RAPGEF5: variants seen among roughly 807,000 people sequenced by gnomAD.
The protein encoded by RAPGEF5 is Rap guanine nucleotide exchange factor 5.
A neutral mutation model predicts 125.2 loss-of-function variants in RAPGEF5; 65 were observed. That is an observed-to-expected ratio of 0.52 (90% CI 0.43 to 0.64). RAPGEF5 has a LOEUF of 0.64. Ranked by LOEUF, RAPGEF5 falls within the 30% of genes least tolerant of loss-of-function variation. The probability of loss-of-function intolerance (pLI) is 0.00; values close to 1 mark genes in which losing one functional copy is unlikely to be tolerated. For missense variants in RAPGEF5, 958 were observed against 1,048.1 expected (o/e 0.91, Z 1.19); for synonymous variants, 391 against 385.9 (o/e 1.01, Z -0.16).
intron 2 of RAPGEF5, among the ~76,000 whole-genome samples, chr7:22,316,460 C>CAT (rs757768702): frequency 9.0e-4 from 83 of 92,714 alleles, no homozygotes; most frequent in East Asian, 1.6e-3. Flanking sequence ...TATACATAGA[C>CAT]ATATATATAT....
rs578214251 is a variant in RAPGEF5, at chr7:22,176,846, G to A, written c.1205-9698C>T. ...GCGCCTGGCCAATTGAGGTTCTTTCGAAATAATCTGGCACAGGATCTTACA... is the reference window on the plus strand; with the variant it reads ...GCGCCTGGCCAATTGAGGTTCTTTCAAAATAATCTGGCACAGGATCTTACA... On this transcript the variant is annotated intron_variant, in intron 11 of 25. Transcript: ENST00000665637. Among the ~76,000 whole-genome samples, 23 of 152,192 alleles carry A rather than the reference G, an allele frequency of 1.5e-4. 2 individuals carry two copies. Among genetic ancestry groups the A allele is most frequent in the South Asian group, 8.3e-4 (4 of 4,818 alleles).
chr7:22,351,227 A>T (rs1330836771), intron 1 of RAPGEF5, among the ~76,000 whole-genome samples: 3 of 152,080 alleles, frequency 2.0e-5, no homozygotes, highest in African/African-American at 7.2e-5. Flanking sequence ...ATTTAAGTAA[A>T]CATTAGTTAC....
intron 11 of RAPGEF5, among the ~76,000 whole-genome samples, chr7:22,184,005 T>A (rs1784754535): frequency 6.6e-6 from 1 of 152,220 alleles, no homozygotes; most frequent in Admixed American, 6.5e-5. Flanking sequence ...TAGAACCCTA[T>A]AATACTTTGG....
chr7:22,242,802 C>A (rs544041398), intron 7 of RAPGEF5, among the ~76,000 whole-genome samples: 1 of 151,942 alleles, frequency 6.6e-6, no homozygotes, highest in Admixed American at 6.6e-5. Flanking sequence ...AACTACAAAA[C>A]TGGCCGGGCA....
chr7:22,203,966 C>T (rs1785339980), intron 9 of RAPGEF5, among the ~76,000 whole-genome samples: 1 of 152,196 alleles, frequency 6.6e-6, no homozygotes, highest in South Asian at 2.1e-4. Context: ...TAACCCGAAT[C>T]ACTGCTTTTC....
chr7:22,342,805 G>A (rs546444295), intron 1 of RAPGEF5, among the ~76,000 whole-genome samples: 2 of 152,256 alleles, frequency 1.3e-5, no homozygotes, highest in South Asian at 4.2e-4. Flanking sequence ...CCTAAGCCTG[G>A]ACTTTATTGT....
intron 11 of RAPGEF5, among the ~76,000 whole-genome samples, chr7:22,168,877 A>G (rs559796805): frequency 1.3e-5 from 2 of 152,366 alleles, no homozygotes; most frequent in East Asian, 3.9e-4. Flanking sequence ...CAAGGGTGTT[A>G]ATGAAGAGTA....
Position 22,202,407 on chromosome 7 carries a change from G to A in RAPGEF5, c.997-8374C>T, listed in dbSNP as rs567156596. Among the ~76,000 whole-genome samples, 15 of 152,230 alleles carry A rather than the reference G, an allele frequency of 9.9e-5. No homozygotes were observed. The South Asian group carries it at 2.7e-3, about 27-fold the overall frequency. The stretch of plus-strand genomic sequence containing the variant: ...GCCAAATCCTGGCAGCCATCCAATA[G>A]CTGTTTTGCTGGGAGAATAAAAATA... On this transcript the variant is annotated intron_variant, in intron 9 of 25. Coordinates refer to ENST00000665637, the MANE Select transcript of RAPGEF5 (RefSeq NM_012294.5).
At chr7:22,230,743 A>T (rs1786035810) in intron 8 of RAPGEF5, 103 bp downstream of exon 8, 1 of 1,117,270 alleles carries the variant, frequency 9.0e-7, no homozygotes, top group Non-Finnish European at 1.3e-6. Flanking sequence ...GCTATTTACA[A>T]AACATAAAAG....
Position 22,209,654 on chromosome 7 carries a change from C to A in RAPGEF5, c.996+10212G>T, listed in dbSNP as rs985057335. Among the ~76,000 whole-genome samples the A allele has an allele frequency of 9.9e-5, 15 of 152,102 alleles. No individual in the cohort carries two copies. In the South Asian group the frequency reaches 2.9e-3, roughly 30 times the overall value. On this transcript the variant is annotated intron_variant, in intron 9 of 25. Transcript: ENST00000665637. ...TTTTTGCTGGCCAAATTGTTTGTGC[C>A]CACTTTCATGAGTCACTAATTTTTG...
chr7:22,189,300 A>C (rs1343920328), intron 11 of RAPGEF5, among the ~76,000 whole-genome samples: 1 of 152,230 alleles, frequency 6.6e-6, no homozygotes, highest in East Asian at 1.9e-4. Flanking sequence ...ATCAGTAAGA[A>C]GGGGTTTCTC....
intron 7 of RAPGEF5, among the ~76,000 whole-genome samples, chr7:22,232,258 G>C (rs1390244337): frequency 6.6e-6 from 1 of 151,528 alleles, no homozygotes; most frequent in Non-Finnish European, 1.5e-5. Flanking sequence ...TACCAACCTA[G>C]CTGACAGTGA....
chr7:22,193,438 C>G lies in RAPGEF5; in HGVS notation c.1133G>C (p.Gly378Ala). 6.3e-7 allele frequency: 1 copy of G among 1,593,072 alleles called. No individual in the cohort carries two copies. Among genetic ancestry groups the G allele is most frequent in the Non-Finnish European group, 8.6e-7 (1 of 1,169,094 alleles). ...ESHWRYVVVS[G>A]TPEKILEHLL... Reference sequence around the variant, plus strand: ...GTGCTCCAAAATCTTCTCCGGGGTCCCGGACACCACCACATATCTGTCAGA... The same window carrying G: ...GTGCTCCAAAATCTTCTCCGGGGTCGCGGACACCACCACATATCTGTCAGA... The change falls in exon 11 of 26, where the codon GGG (glycine) becomes GCG (alanine). Residue 378 changes from glycine (G) to alanine (A), a missense_variant. Physicochemically the swap from Gly to Ala is moderately conservative, Grantham distance 60. Transcript: ENST00000665637.
intron 7 of RAPGEF5, among the ~76,000 whole-genome samples, chr7:22,263,287 T>A (rs1256540029): frequency 6.6e-6 from 1 of 152,216 alleles, no homozygotes; most frequent in Non-Finnish European, 1.5e-5. Flanking sequence ...TTGGGGTAAT[T>A]TGCATAAAAG....
At chr7:22,157,726 C>T (rs1042980840) in intron 15 of RAPGEF5, 129 bp downstream of exon 15, 2 of 996,044 alleles carry the variant, frequency 2.0e-6, no homozygotes, top group South Asian at 1.4e-5. Flanking sequence ...AAGCTGCAGC[C>T]CCAGGCGCCC....
At chr7:22,149,156 G>A (rs1355111259) in intron 18 of RAPGEF5, among the ~76,000 whole-genome samples, 1 of 152,210 alleles carries the variant, frequency 6.6e-6, no homozygotes, top group African/African-American at 2.4e-5. Context: ...TACTGGAAGT[G>A]TTAAACGAGA....
chr7:22,329,146 T>G (rs1220262231), intron 1 of RAPGEF5, among the ~76,000 whole-genome samples: 1 of 152,222 alleles, frequency 6.6e-6, no homozygotes, highest in East Asian at 1.9e-4. Context: ...TAATCAAACT[T>G]CATTTTAAAC....
At chr7:22,152,669 CT>C (rs940877620) in intron 17 of RAPGEF5, among the ~76,000 whole-genome samples, 9 of 151,464 alleles carry the variant, frequency 5.9e-5, no homozygotes, top group Admixed American at 1.3e-4. Context: ...TATCTTAAAA[CT>C]TTTTTTTTGA....
In RAPGEF5 at chr7:22,120,012, G is replaced by A. The variant is rs185233788; in HGVS notation, c.*2394C>T. The A allele has an allele frequency of 6.6e-6, 1 of 152,316 alleles. No homozygotes were observed. Among genetic ancestry groups the A allele is most frequent in the Admixed American group, 6.5e-5 (1 of 15,306 alleles). The allele number at this position is 152,316 out of a possible 1,614,324, so 9.4% of individuals were successfully genotyped here. On this transcript the variant is annotated 3_prime_UTR_variant, in exon 26 of 26. Transcript: ENST00000665637. This position sits in a 1 kb window ranked among gnomAD's most constrained non-coding sequence, Gnocchi z 4.0. ...AATTCCAGATCTAAGATTCTGCAAA[G>A]CTTTGGAAACTTCTGAGAGCTGCTG...
Sources: allele counts gnomAD v4.1 joint callset (sites outside exome capture counted in the v4.1 genomes callset), GRCh38; gene constraint gnomAD v4.1.1; non-coding constraint Gnocchi (gnomAD v3.1); transcripts MANE v1.5; gene names NCBI Gene and HGNC (gene_info 2026-07-23, HGNC 2026-07-21).